CA6: variants seen among roughly 807,000 people sequenced by gnomAD.
CA6 encodes carbonic anhydrase 6.
A neutral mutation model predicts 35.9 loss-of-function variants in CA6; 28 were observed. The ratio of observed to expected loss-of-function variants is 0.78; its 90% CI spans 0.58 to 1.07. CA6 has a LOEUF of 1.07. Among genes scored for constraint, CA6 ranks in the 50% least tolerant of loss-of-function variants. The pLI is 0.00. For synonymous variants in CA6, 148 were observed against 152.6 expected, an observed-to-expected ratio of 0.97 and a Z score of 0.22; for missense variants, 377 against 382.0, an observed-to-expected ratio of 0.99 and a Z score of 0.11.
intron 7 of CA6, among the ~76,000 whole-genome samples, chr1:8,973,399 C>T (rs1028288371): frequency 2.0e-5 from 3 of 152,222 alleles, no homozygotes; most frequent in African/African-American, 7.2e-5. Context: ...TAGTCACTAA[C>T]AGACTGCGTA....
At chr1:8,959,672 C>A (rs952186256) in intron 4 of CA6, among the ~76,000 whole-genome samples, 3 of 151,844 alleles carry the variant, frequency 2.0e-5, no homozygotes, top group Admixed American at 2.0e-4. Flanking sequence ...TGGCTCACAT[C>A]TGTAATCCTA....
At chr1:8,949,737 C>T (rs1365420894) in intron 2 of CA6, among the ~76,000 whole-genome samples, 4 of 152,114 alleles carry the variant, frequency 2.6e-5, no homozygotes, top group African/African-American at 7.2e-5. Context: ...CAGGACAGGC[C>T]GTGCTGCTGA....
chr1:8,948,932 T>C (rs1300891556), intron 1 of CA6, among the ~76,000 whole-genome samples: 9 of 150,346 alleles, frequency 6.0e-5, no homozygotes, highest in Admixed American at 6.0e-4. Context: ...ATTGCACCAC[T>C]GCACTCCAAC....
chr1:8,970,914 C>T lies in CA6; in HGVS notation c.777C>T (p.Ile259=), dbSNP rs267598758. The part of the protein sequence containing the change: ...NSLLDHRNKT[I]HNDYRRTQPL... ...TACTGGATCACCGCAACAAGACCAT[C>T]CACAACGATTACCGCAGGACCCAGC... Residue 259 remains isoleucine (I), a synonymous_variant, in exon 7 of 8, where the codon ATC becomes ATT. Coordinates refer to ENST00000377443, the MANE Select transcript of CA6 (RefSeq NM_001215.4). The T allele has an allele frequency of 6.2e-7, 1 of 1,614,088 alleles. No individual in the cohort carries two copies.
At chr1:8,947,044 T>C (rs1397380218) in intron 1 of CA6, among the ~76,000 whole-genome samples, 4 of 152,014 alleles carry the variant, frequency 2.6e-5, no homozygotes, top group Non-Finnish European at 4.4e-5. Context: ...CCTCAAGTGA[T>C]CCGCCCACCT....
At chr1:8,958,267 A>G (rs6577542) in intron 3 of CA6, among the ~76,000 whole-genome samples, 41,215 of 151,922 alleles carry the variant, frequency 0.27, 6,450 homozygotes, top group African/African-American at 0.43. Context: ...CCCTGGGTTC[A>G]AATGATTCTC....
rs151137875 is a variant in CA6 at position 8,967,702 on chromosome 1, G to T, written c.615G>T (p.Leu205=). The T allele has an allele frequency of 2.6e-5, 42 of 1,613,936 alleles. No individual in the cohort carries two copies. The African/African-American group carries it at 4.9e-4, about 19-fold the overall frequency. The change falls in exon 6 of 8, where the codon CTG becomes CTT. Residue 205 remains leucine (L), a synonymous_variant. Coordinates refer to ENST00000377443, the MANE Select transcript of CA6 (RefSeq NM_001215.4). The part of the protein sequence containing the change: ...TLTGLDVQDM[L]PRNLQHYYTY... ...CTGGCCTTGACGTTCAGGACATGCT[G>T]CCCAGGAACCTCCAGCACTACTACA...
Position 8,949,430 on chromosome 1 carries a change from A to G in CA6, c.247A>G (p.Asn83Asp). Residue 83 changes from asparagine (N) to aspartate (D), a missense_variant, in exon 2 of 8, where the codon AAT (asparagine) becomes GAT (aspartate). Coordinates refer to ENST00000377443, the MANE Select transcript of CA6 (RefSeq NM_001215.4). ...GGCAGGGGAGTTCCCCATGGTCAAC[A>G]ATGGCCACACAGGTAAGAGGAAGGG... ...TQAGEFPMVN[N>D]GHTVQISLPS... is the part of the protein sequence containing the mutation. 1 of 1,612,496 alleles carries G rather than the reference A, an allele frequency of 6.2e-7. No homozygotes were observed. Among genetic ancestry groups the G allele is most frequent in the African/African-American group, 1.3e-5 (1 of 74,828 alleles).
At position 8,962,580 on chromosome 1, in the gene CA6, T is replaced by C. The variant is rs1206947703; in HGVS notation, c.502-7T>C. 5 of 1,611,806 alleles carry C rather than the reference T, an allele frequency of 3.1e-6. No homozygotes were observed. Among genetic ancestry groups the C allele is most frequent in the Non-Finnish European group, 4.2e-6 (5 of 1,177,874 alleles). ...ACTTACGCTCAGTGCTCTGTGTTTC[T>C]CTGCAGGTGAAGAATTACCCTGAAA... On this transcript the variant is annotated splice_polypyrimidine_tract_variant and splice_region_variant and intron_variant, in intron 4 of 7. Transcript: ENST00000377443.
At chr1:8,959,081 CA>C in intron 4 of CA6, 79 bp downstream of exon 4, 1 of 824,804 alleles carries the variant, frequency 1.2e-6, no homozygotes, top group Non-Finnish European at 2.1e-6. Context: ...TCTAGTTGAA[CA>C]GTCTTCTTTA....
chr1:8,972,013 G>T (rs971974776), intron 7 of CA6, among the ~76,000 whole-genome samples: 2 of 152,120 alleles, frequency 1.3e-5, no homozygotes, highest in Non-Finnish European at 2.9e-5. Flanking sequence ...AGTAGAATCA[G>T]TATCCTATCA....
intron 5 of CA6, among the ~76,000 whole-genome samples, chr1:8,964,157 G>C (rs759582498): frequency 6.6e-6 from 1 of 152,042 alleles, no homozygotes; most frequent in Non-Finnish European, 1.5e-5. Flanking sequence ...CCCCTCCCAC[G>C]TGGGGCCCAA....
intron 3 of CA6, among the ~76,000 whole-genome samples, chr1:8,958,290 C>T (rs1639744707): frequency 6.6e-6 from 1 of 152,150 alleles, no homozygotes; most frequent in African/African-American, 2.4e-5. Flanking sequence ...GCCTCACCCA[C>T]CCGAGAAGCT....
chr1:8,965,660 G>T (rs1012267195), intron 5 of CA6, among the ~76,000 whole-genome samples: 1 of 152,130 alleles, frequency 6.6e-6, no homozygotes, highest in African/African-American at 2.4e-5. Context: ...GGCCAAGGCT[G>T]GCAGAGCACT....
At position 8,974,619 on chromosome 1, in the gene CA6, C is replaced by T; in HGVS notation, c.845-3C>T. 2 of 1,595,974 alleles carry T rather than the reference C, an allele frequency of 1.3e-6. No individual in the cohort carries two copies. The highest frequency in any genetic ancestry group is 1.1e-5 in the South Asian group (1 of 89,916). ...CATTTCCGACTAACTCTTCTTTTTA[C>T]AGAATACACTCTAGGCTCTGAATTC... On this transcript the variant is annotated splice_polypyrimidine_tract_variant and splice_region_variant and intron_variant, in intron 7 of 7. Transcript: ENST00000377443.
Position 8,945,947 on chromosome 1 carries a change from T to C in CA6, c.61T>C (p.Ser21Pro). 6.2e-7 allele frequency: 1 copy of C among 1,613,314 alleles called. No individual in the cohort carries two copies. Residue 21 changes from serine (S) to proline (P), a missense_variant, in exon 1 of 8, where the codon TCT becomes CCT. By Grantham distance (74) the Ser-to-Pro change is moderately conservative (BLOSUM62 -1). Coordinates refer to ENST00000377443, the MANE Select transcript of CA6 (RefSeq NM_001215.4). ...FLLGGQAQHV[S>P]DWTYSEGALD... ...GCTGGGTGGCCAGGCCCAGCATGTG[T>C]CTGACTGGACCTACTCAGGTGAGCC...
rs1002536455 is a variant in CA6, at chr1:8,963,326, C to T, written c.571+670C>T. ...TAGTGACGCCTGTGTCCTTTCATCT[C>T]TCTCCCAGCTTAGATTCCACCCCGA... On this transcript the variant is annotated intron_variant, in intron 5 of 7. Coordinates refer to ENST00000377443, the MANE Select transcript of CA6 (RefSeq NM_001215.4). This position sits in a 1 kb window ranked among gnomAD's most constrained non-coding sequence, Gnocchi z 4.1. 3.9e-5 allele frequency among the ~76,000 whole-genome samples: 6 copies of T among 152,102 alleles called. No homozygotes were observed. Among genetic ancestry groups the T allele is most frequent in the Admixed American group, 1.3e-4 (2 of 15,254 alleles).
At chr1:8,958,356 C>A (rs1049007061) in intron 3 of CA6, among the ~76,000 whole-genome samples, 2 of 151,874 alleles carry the variant, frequency 1.3e-5, no homozygotes, top group African/African-American at 4.8e-5. Flanking sequence ...TTAGTAGAGA[C>A]GGGGTTTCGC....
intron 3 of CA6, among the ~76,000 whole-genome samples, chr1:8,958,199 G>C (rs527941037): frequency 6.6e-6 from 1 of 151,798 alleles, no homozygotes; most frequent in South Asian, 2.1e-4. Context: ...ACAGAGTTTT[G>C]CTCTTTTGCC....
Sources: gnomAD v4.1 joint callset for allele counts (sites outside exome capture counted in the v4.1 genomes callset) on GRCh38, gnomAD v4.1.1 for gene constraint, Gnocchi (gnomAD v3.1) non-coding constraint, MANE v1.5 for transcripts, NCBI Gene and HGNC (gene_info 2026-07-23, HGNC 2026-07-21) for gene names.